The following TEX264 variants were observed in gnomAD, a reference collection of about 807,000 sequenced individuals.
TEX264 encodes the protein testis-expressed protein 264.
TEX264 carries 13 observed loss-of-function variants against 23.4 expected under a neutral mutation model. That is an observed-to-expected ratio of 0.56 (90% confidence interval 0.36 to 0.88). TEX264 has a LOEUF of 0.88. Ranked by LOEUF, TEX264 falls within the 40% of genes least tolerant of loss-of-function variation. The probability of loss-of-function intolerance (pLI) is 0.01; values close to 1 mark genes in which losing one functional copy is unlikely to be tolerated. For missense variants in TEX264, 340 were observed against 406.8 expected (o/e 0.84, Z 1.41); for synonymous variants, 159 against 170.0 (o/e 0.94, Z 0.50).
intron 2 of TEX264, chr3:51,682,901 TC>T (rs1362211588): frequency 1.3e-5 from 2 of 152,100 alleles, no homozygotes; most frequent in Non-Finnish European, 2.9e-5. Flanking sequence ...GGTGCCCAAG[TC>T]CCAGGCAAAC....
rs1301792583 is a variant in TEX264, at chr3:51,686,343, C to T, written c.480+1709C>T. On this transcript the variant is annotated intron_variant, in intron 3 of 4. Coordinates refer to ENST00000341333, the MANE Select transcript of TEX264 (RefSeq NM_015926.6). This position sits in a 1 kb window ranked among gnomAD's most constrained non-coding sequence, Gnocchi z 4.1. ...TCAGTGGGAGTGAGAGCCTGGTACA[C>T]TTGGAGGATCCTTGCAACTTTGTTC... is the stretch of plus-strand genomic sequence containing the variant. 6.6e-6 allele frequency among the ~76,000 whole-genome samples: 1 copy of T among 152,128 alleles called. No individual in the cohort carries two copies. Among genetic ancestry groups the T allele is most frequent in the African/African-American group, 2.4e-5 (1 of 41,418 alleles).
intron 3 of TEX264, among the ~76,000 whole-genome samples, chr3:51,699,039 C>T (rs1420784873): frequency 6.6e-6 from 1 of 152,000 alleles, no homozygotes; most frequent in Admixed American, 6.6e-5. Flanking sequence ...ACATGGGGTC[C>T]CTATCCTGGG....
rs1270683051 is a variant in TEX264, at chr3:51,686,176, C to T, written c.480+1542C>T. The stretch of plus-strand genomic sequence containing the variant: ...TGGTGGATATATTTGGGGACATCAG[C>T]CTGTTGGCAGTATTTGACCTGGGAG... On this transcript the variant is annotated intron_variant, in intron 3 of 4. Transcript: ENST00000341333. The surrounding 1 kb of genome is among the most constrained non-coding windows in gnomAD (Gnocchi z 4.1). Among the ~76,000 whole-genome samples, 1 of 152,106 alleles carries T rather than the reference C, an allele frequency of 6.6e-6. No individual in the cohort carries two copies. The highest frequency in any genetic ancestry group is 1.5e-5 in the Non-Finnish European group (1 of 68,010).
At chr3:51,693,913 G>A (rs552539519) in intron 3 of TEX264, among the ~76,000 whole-genome samples, 14 of 152,074 alleles carry the variant, frequency 9.2e-5, no homozygotes, top group Admixed American at 3.3e-4. Context: ...TTTTCTTACC[G>A]TCACATAATG....
At chr3:51,688,191 G>C (rs1165669757) in intron 3 of TEX264, among the ~76,000 whole-genome samples, 1 of 152,222 alleles carries the variant, frequency 6.6e-6, no homozygotes, top group African/African-American at 2.4e-5. Flanking sequence ...TCCCAGGAAA[G>C]GGGTATCTTC....
intron 2 of TEX264, among the ~76,000 whole-genome samples, chr3:51,679,087 A>G (rs1287732654): frequency 6.6e-6 from 1 of 152,074 alleles, no homozygotes; most frequent in Non-Finnish European, 1.5e-5. Context: ...AGGTGAGACG[A>G]GGTGTGAGAG....
rs76004437 is a variant in TEX264 at position 51,697,341 on chromosome 3, A to G, written c.481-2065A>G. Reference sequence around the variant, plus strand: ...TATCTTGTTATGGCCAAGTTCCTCCAGAAGGGAAGCTAGGGAGGTGGCTTG... The same window carrying G: ...TATCTTGTTATGGCCAAGTTCCTCCGGAAGGGAAGCTAGGGAGGTGGCTTG... On this transcript the variant is annotated intron_variant, in intron 3 of 4. Transcript: ENST00000341333. Among the ~76,000 whole-genome samples, 10 of 152,292 alleles carry G rather than the reference A, an allele frequency of 6.6e-5. No individual in the cohort carries two copies. In the East Asian group the frequency reaches 1.9e-3, roughly 29 times the overall value.
At chr3:51,684,889 G>A (rs1417781890) in intron 3 of TEX264, among the ~76,000 whole-genome samples, 2 of 152,258 alleles carry the variant, frequency 1.3e-5, no homozygotes, top group Non-Finnish European at 2.9e-5. Context: ...GATCTGGTTA[G>A]TTTGGCTCTG....
intron 4 of TEX264, among the ~76,000 whole-genome samples, chr3:51,701,810 T>G (rs922539942): frequency 5.9e-5 from 9 of 151,802 alleles, no homozygotes; most frequent in Admixed American, 3.9e-4. Flanking sequence ...TTTTGTATTT[T>G]TAGTAGAGAT....
intron 4 of TEX264, among the ~76,000 whole-genome samples, chr3:51,701,998 G>A (rs1022390227): frequency 6.6e-6 from 1 of 152,186 alleles, no homozygotes; most frequent in Non-Finnish European, 1.5e-5. Context: ...TCAGCAGGCT[G>A]TCCTGGCCTG....
chr3:51,702,018 C>A (rs564555102), intron 4 of TEX264, among the ~76,000 whole-genome samples: 2 of 152,268 alleles, frequency 1.3e-5, no homozygotes, highest in East Asian at 3.9e-4. Flanking sequence ...GAAGGAGGCA[C>A]CCCTAGGCTC....
chr3:51,688,855 G>A (rs532603527), intron 3 of TEX264, among the ~76,000 whole-genome samples: 2 of 152,152 alleles, frequency 1.3e-5, no homozygotes, highest in Non-Finnish European at 2.9e-5. Flanking sequence ...GGCCAGGTGT[G>A]GTGGCTCATG....
At chr3:51,697,447 C>G (rs1354162623) in intron 3 of TEX264, among the ~76,000 whole-genome samples, 3 of 152,226 alleles carry the variant, frequency 2.0e-5, no homozygotes, top group Non-Finnish European at 4.4e-5. Flanking sequence ...CTGGGATCTT[C>G]CCCCAAAAGC....
chr3:51,698,772 C>A (rs1703166625), intron 3 of TEX264, among the ~76,000 whole-genome samples: 1 of 152,212 alleles, frequency 6.6e-6, no homozygotes, highest in Non-Finnish European at 1.5e-5. Flanking sequence ...GGGAACCATA[C>A]CTGATAGTCT....
chr3:51,683,919 C>G lies in TEX264; in HGVS notation c.259-494C>G, dbSNP rs76668534. 6.7e-5 allele frequency: 11 copies of G among 163,496 alleles called. No individual in the cohort carries two copies. The East Asian group carries it at 2.0e-3, about 29-fold the overall frequency. 10.1% of individuals were successfully genotyped at this position (163,496 alleles called of 1,614,324 possible). The stretch of plus-strand genomic sequence containing the variant: ...AATTTCTCTGCCTGTAAAGCCTGCT[C>G]TTCTCCAGGAGATAGGAGGGAAATT... On this transcript the variant is annotated intron_variant, in intron 2 of 4. Coordinates refer to ENST00000341333, the MANE Select transcript of TEX264 (RefSeq NM_015926.6).
At chr3:51,688,567 A>C (rs761528134) in intron 3 of TEX264, among the ~76,000 whole-genome samples, 12 of 152,004 alleles carry the variant, frequency 7.9e-5, no homozygotes, top group Non-Finnish European at 1.6e-4. Context: ...GATTTCAGGG[A>C]GTTTTTAGGG....
At chr3:51,699,634 G>C in intron 4 of TEX264, 60 bp downstream of exon 4, 1 of 1,585,110 alleles carries the variant, frequency 6.3e-7, no homozygotes, top group East Asian at 2.2e-5. Context: ...CTGGACTCCA[G>C]GGGCTTGGTT....
rs542940810 is a variant in TEX264, at chr3:51,695,286, A to T, written c.481-4120A>T. ...AGACCTCATCCCTTGCTGGGCCTAG[A>T]GCTTATGTAGGAGATGTGACCCGTC... is the stretch of plus-strand genomic sequence containing the variant. On this transcript the variant is annotated intron_variant, in intron 3 of 4. Transcript: ENST00000341333. Among the ~76,000 whole-genome samples, 6 of 152,236 alleles carry T rather than the reference A, an allele frequency of 3.9e-5. No homozygotes were observed. The South Asian group carries it at 1.2e-3, about 32-fold the overall frequency.
chr3:51,703,815 G>A lies in TEX264; in HGVS notation c.741G>A (p.Ala247=), dbSNP rs758436907. Reference sequence around the variant, plus strand: ...CAGCTGCCACACTGTCACCTGGGGCGAGCAGCCGTGGCTGGGATGACGGTG... The same window carrying A: ...CAGCTGCCACACTGTCACCTGGGGCAAGCAGCCGTGGCTGGGATGACGGTG... The part of the protein sequence containing the change: ...ETSAATLSPG[A]SSRGWDDGDT... Residue 247 remains alanine (A), a synonymous_variant, in exon 5 of 5, where the codon GCG becomes GCA. Coordinates refer to ENST00000341333, the MANE Select transcript of TEX264 (RefSeq NM_015926.6). The surrounding 1 kb of genome is among the most constrained non-coding windows in gnomAD (Gnocchi z 4.8). 19 of 1,612,138 alleles carry A rather than the reference G, an allele frequency of 1.2e-5. No homozygotes were observed. The highest frequency in any genetic ancestry group is 4.0e-5 in the African/African-American group (3 of 74,904).
Sources: gnomAD v4.1 joint callset for allele counts (sites outside exome capture counted in the v4.1 genomes callset) on GRCh38, gnomAD v4.1.1 for gene constraint, Gnocchi (gnomAD v3.1) non-coding constraint, MANE v1.5 for transcripts, NCBI Gene and HGNC (gene_info 2026-07-23, HGNC 2026-07-21) for gene names.